Variants in XRCC2 observed in about 807,000 individuals in gnomAD.
The protein encoded by XRCC2 is DNA repair protein XRCC2.
In XRCC2, 24 loss-of-function variants were observed where a neutral mutation model predicts 27.3. The ratio of observed to expected loss-of-function variants is 0.88; its 90% CI spans 0.64 to 1.24. The LOEUF (loss-of-function observed/expected upper bound fraction) is 1.24, where lower values mean the gene tolerates loss of function less well. Ranked by LOEUF, XRCC2 falls within the 50% of genes most tolerant of loss-of-function variation. XRCC2 has a pLI of 0.00. For synonymous variants in XRCC2, 106 were observed against 115.4 expected (o/e 0.92, Z 0.52); for missense variants, 321 against 325.8 (o/e 0.99, Z 0.11).
At chr7:152,651,549 A>G (rs1352399872) in intron 2 of XRCC2, among the ~76,000 whole-genome samples, 1 of 152,136 alleles carries the variant, frequency 6.6e-6, no homozygotes, top group Non-Finnish European at 1.5e-5. Context: ...CCAAGACTGC[A>G]CCAAATTTCC....
intron 2 of XRCC2, among the ~76,000 whole-genome samples, chr7:152,655,318 A>C (rs889482315): frequency 2.0e-5 from 3 of 152,192 alleles, no homozygotes; most frequent in Non-Finnish European, 4.4e-5. Flanking sequence ...ATTATATAAC[A>C]AATATGTTGA....
rs942213984 is a variant in XRCC2, at chr7:152,649,193, G to A, written c.292C>T (p.His98Tyr). ...DMLRLVTILE[H>Y]RLSQSSEEII... The stretch of plus-strand genomic sequence containing the variant: ...TCTTCAGAGCTTTGGGATAGTCTGT[G>A]CTCAAGAATTGTAACTAGCCGGAGC... Residue 98 changes from histidine to tyrosine, a missense_variant, in exon 3 of 3, where the codon CAC becomes TAC. His to Tyr is a moderately conservative substitution (Grantham distance 83). Coordinates refer to ENST00000359321, the MANE Select transcript of XRCC2 (RefSeq NM_005431.2). 6.2e-7 allele frequency: 1 copy of A among 1,613,750 alleles called. No individual in the cohort carries two copies. Among genetic ancestry groups the A allele is most frequent in the Non-Finnish European group, 8.5e-7 (1 of 1,180,020 alleles).
chr7:152,651,428 TAAA>T (rs10628183), intron 2 of XRCC2, among the ~76,000 whole-genome samples: 18,591 of 138,860 alleles, frequency 0.13, 1,436 homozygotes, highest in Middle Eastern at 0.23. Context: ...ACTCTACAAT[TAAA>T]AAAAAAAAAA....
Position 152,666,441 on chromosome 7 carries a change from G to A in XRCC2, c.40-5659C>T, listed in dbSNP as rs1344761031. On this transcript the variant is annotated intron_variant, in intron 1 of 2. Transcript: ENST00000359321. ...TGTCCAGGCTGGTCTCGAACTCCTG[G>A]ACTCAAGCAGTTCTCCCACCTTAGC... Among the ~76,000 whole-genome samples the A allele has an allele frequency of 2.0e-5, 3 of 151,866 alleles. No homozygotes were observed. In the East Asian group the frequency reaches 5.8e-4, roughly 30 times the overall value.
At position 152,648,641 on chromosome 7, in the gene XRCC2, A is replaced by G. The variant is rs3218539; in HGVS notation, c.*1T>C. On this transcript the variant is annotated 3_prime_UTR_variant, in exon 3 of 3. Coordinates refer to ENST00000359321, the MANE Select transcript of XRCC2 (RefSeq NM_005431.2). The stretch of plus-strand genomic sequence containing the variant: ...TGCAAAAGACTATTTTATGATGTAT[A>G]TCAACAAAATTCAACCCCACTTTCT... The G allele has an allele frequency of 9.5e-3, 15,177 of 1,590,890 alleles. 1,223 individuals are homozygous for G. The African/African-American group carries it at 0.18, about 19-fold the overall frequency.
At chr7:152,650,780 A>G (rs1407813499) in intron 2 of XRCC2, among the ~76,000 whole-genome samples, 1 of 151,962 alleles carries the variant, frequency 6.6e-6, no homozygotes, top group East Asian at 1.9e-4. Context: ...CAGCTACTTG[A>G]GAGGCTGAGG....
rs200974031 is a variant in XRCC2, at chr7:152,660,705, C to G, written c.117G>C (p.Val39=). The part of the protein sequence containing the change: ...PNLFADEDSP[V]HGDILEFHGP... ...TATAAAGGTTGTATTTTTTACCATGCACAGGTGAATCTTCATCAGCAAACA... is the reference window on the plus strand; with the variant it reads ...TATAAAGGTTGTATTTTTTACCATGGACAGGTGAATCTTCATCAGCAAACA... The change falls in exon 2 of 3, where the codon GTG becomes GTC. Residue 39 remains valine, a synonymous_variant. Coordinates refer to ENST00000359321, the MANE Select transcript of XRCC2 (RefSeq NM_005431.2). 1 of 1,609,638 alleles carries G rather than the reference C, an allele frequency of 6.2e-7. No homozygotes were observed. The highest frequency in any genetic ancestry group is 1.7e-5 in the Admixed American group (1 of 59,038).
At chr7:152,665,926 T>A (rs2098035425) in intron 1 of XRCC2, among the ~76,000 whole-genome samples, 1 of 152,182 alleles carries the variant, frequency 6.6e-6, no homozygotes, top group Non-Finnish European at 1.5e-5. Flanking sequence ...AACGTGACTT[T>A]CTCTGAGAGG....
rs901890291 is a variant in XRCC2, at chr7:152,648,473, C to A, written c.*169G>T. On this transcript the variant is annotated 3_prime_UTR_variant, in exon 3 of 3. Coordinates refer to ENST00000359321, the MANE Select transcript of XRCC2 (RefSeq NM_005431.2). ...CAGTGGCTCACGCCTGTAATCCCTG[C>A]ACTCTAGGAGGCACACATAGGAGGA... 5 of 617,824 alleles carry A rather than the reference C, an allele frequency of 8.1e-6. No homozygotes were observed. Among genetic ancestry groups the A allele is most frequent in the Non-Finnish European group, 1.3e-5 (5 of 390,590 alleles). 38.3% of individuals were successfully genotyped at this position (617,824 alleles called of 1,614,324 possible).
chr7:152,666,142 G>A (rs1162916642), intron 1 of XRCC2, among the ~76,000 whole-genome samples: 2 of 152,058 alleles, frequency 1.3e-5, no homozygotes, highest in South Asian at 2.1e-4. Context: ...GTACATGAAT[G>A]TAAATATTTT....
chr7:152,668,678 G>A (rs771086642), intron 1 of XRCC2, among the ~76,000 whole-genome samples: 11 of 152,106 alleles, frequency 7.2e-5, no homozygotes, highest in Non-Finnish European at 1.6e-4. Context: ...CAACCTTTCC[G>A]AGGCAAAATT....
chr7:152,650,248 A>C (rs183951950), intron 2 of XRCC2, among the ~76,000 whole-genome samples: 3 of 152,252 alleles, frequency 2.0e-5, no homozygotes, highest in Non-Finnish European at 4.4e-5. Context: ...AACTGAAAAC[A>C]ACCTTACACG....
At chr7:152,653,632 G>C (rs1386462849) in intron 2 of XRCC2, among the ~76,000 whole-genome samples, 1 of 15,692 alleles carries the variant, frequency 6.4e-5, no homozygotes, top group Admixed American at 7.6e-4. Flanking sequence ...GGTAATTTTT[G>C]TATTTTTTTT....
intron 1 of XRCC2, among the ~76,000 whole-genome samples, chr7:152,674,487 C>G (rs1456854094): frequency 6.6e-6 from 1 of 151,552 alleles, no homozygotes; most frequent in Non-Finnish European, 1.5e-5. Context: ...TGGCGTGTGC[C>G]TGTAATCCCA....
At chr7:152,670,874 A>T (rs564929199) in intron 1 of XRCC2, among the ~76,000 whole-genome samples, 9 of 152,168 alleles carry the variant, frequency 5.9e-5, no homozygotes, top group Non-Finnish European at 1.2e-4. Context: ...TACAGGTGTG[A>T]GCCACCACGC....
intron 1 of XRCC2, among the ~76,000 whole-genome samples, chr7:152,673,089 G>A (rs2098038791): frequency 1.3e-5 from 2 of 152,120 alleles, no homozygotes; most frequent in East Asian, 3.8e-4. Context: ...GTAAACTGTA[G>A]TCAAATGCTT....
intron 1 of XRCC2, among the ~76,000 whole-genome samples, chr7:152,669,288 T>C (rs2098037234): frequency 6.6e-6 from 1 of 152,220 alleles, no homozygotes; most frequent in African/African-American, 2.4e-5. Flanking sequence ...ATCTGACTTC[T>C]TTCAACCATT....
At chr7:152,666,912 C>G (rs961805161) in intron 1 of XRCC2, among the ~76,000 whole-genome samples, 1 of 152,084 alleles carries the variant, frequency 6.6e-6, no homozygotes, top group Non-Finnish European at 1.5e-5. Flanking sequence ...GCCACTGCGC[C>G]CAGCAAGACA....
chr7:152,659,816 C>T (rs1231820497), intron 2 of XRCC2, among the ~76,000 whole-genome samples: 1 of 152,168 alleles, frequency 6.6e-6, no homozygotes, highest in Non-Finnish European at 1.5e-5. Flanking sequence ...GAACTGAAGA[C>T]ATCTATCCAC....
Sources: allele counts gnomAD v4.1 joint callset (sites outside exome capture counted in the v4.1 genomes callset), GRCh38; gene constraint gnomAD v4.1.1; transcripts MANE v1.5; gene names NCBI Gene and HGNC (gene_info 2026-07-23, HGNC 2026-07-21).